OSBPL9: variants seen among roughly 807,000 people sequenced by gnomAD.
OSBPL9 encodes oxysterol-binding protein-related protein 9.
In OSBPL9, 40 loss-of-function variants were observed where a neutral mutation model predicts 106.6. The ratio of observed to expected loss-of-function variants is 0.38; its 90% CI spans 0.29 to 0.49. The LOEUF (loss-of-function observed/expected upper bound fraction) is 0.49. Ranked by LOEUF, OSBPL9 falls within the 20% of genes least tolerant of loss-of-function variation. The pLI is 0.97. For synonymous variants in OSBPL9, 269 were observed against 295.4 expected (o/e 0.91, Z 0.92); for missense variants, 609 against 887.2 (o/e 0.69, Z 3.98).
chr1:51,670,293 A>G (rs1649562977), intron 3 of OSBPL9, among the ~76,000 whole-genome samples: 1 of 152,130 alleles, frequency 6.6e-6, no homozygotes, highest in South Asian at 2.1e-4. Flanking sequence ...TCTCTCTTTT[A>G]TGTTTCGAGC....
chr1:51,753,664 G>T (rs549755196), intron 8 of OSBPL9, among the ~76,000 whole-genome samples: 1 of 152,200 alleles, frequency 6.6e-6, no homozygotes, highest in African/African-American at 2.4e-5. Context: ...TCTTGTTTGG[G>T]GCTGATTAGT....
At chr1:51,637,674 C>T (rs975916420) in intron 1 of OSBPL9, among the ~76,000 whole-genome samples, 1 of 152,108 alleles carries the variant, frequency 6.6e-6, no homozygotes, top group Non-Finnish European at 1.5e-5. Context: ...ACACAGTGGT[C>T]ACCATTATAT....
the OSBPL9 span, among the ~76,000 whole-genome samples, chr1:51,552,510 T>A: frequency 1.3e-5 from 2 of 152,218 alleles, no homozygotes; most frequent in East Asian, 3.8e-4. Context: ...GTTCAAACTC[T>A]TAACCAATAT....
At chr1:51,604,591 G>A (rs566262953) in intron 2 of OSBPL9, among the ~76,000 whole-genome samples, 2 of 152,198 alleles carry the variant, frequency 1.3e-5, no homozygotes, top group African/African-American at 4.8e-5. Context: ...TTTATTGTAA[G>A]TCCATCATAC....
At chr1:51,702,919 G>A (rs1395527765) in intron 3 of OSBPL9, among the ~76,000 whole-genome samples, 1 of 152,152 alleles carries the variant, frequency 6.6e-6, no homozygotes, top group Non-Finnish European at 1.5e-5. Flanking sequence ...CCCATTTCTT[G>A]TTTTTGTCAG....
upstream of OSBPL9, among the ~76,000 whole-genome samples, chr1:51,576,378 G>A (rs928931871): frequency 2.0e-5 from 3 of 152,208 alleles, no homozygotes; most frequent in African/African-American, 7.2e-5. Context: ...TGAAGGATAA[G>A]GGTAGATGCC....
chr1:51,666,944 G>A (rs1385656049), intron 2 of OSBPL9, among the ~76,000 whole-genome samples: 3 of 152,224 alleles, frequency 2.0e-5, no homozygotes, highest in Admixed American at 2.0e-4. Flanking sequence ...CAGACTGAAG[G>A]CAGGCAGATT....
At chr1:51,738,174 G>A (rs1240742169) in intron 4 of OSBPL9, among the ~76,000 whole-genome samples, 1 of 151,988 alleles carries the variant, frequency 6.6e-6, no homozygotes, top group African/African-American at 2.4e-5. Flanking sequence ...AGTTGTATAA[G>A]TAACCAAATC....
At chr1:51,648,289 G>A (rs1034623211) in intron 1 of OSBPL9, among the ~76,000 whole-genome samples, 1 of 152,188 alleles carries the variant, frequency 6.6e-6, no homozygotes, top group Non-Finnish European at 1.5e-5. Context: ...CTTCAGACCA[G>A]GAGGTAGCTG....
rs551464066 is a variant in OSBPL9 at position 51,785,465 on chromosome 1, C to T, written c.1830-343C>T. On this transcript the variant is annotated intron_variant, in intron 20 of 23. Transcript: ENST00000428468. Reference sequence around the variant, plus strand: ...CCCCAGTGCCCATGTAAGCTCACCACAGCACTTACCACCTAGAATTTCAAT... The same window carrying T: ...CCCCAGTGCCCATGTAAGCTCACCATAGCACTTACCACCTAGAATTTCAAT... The T allele has an allele frequency of 1.6e-5, 4 of 251,872 alleles. No individual in the cohort carries two copies. In the South Asian group the frequency reaches 1.9e-4, roughly 12 times the overall value. 15.6% of individuals were successfully genotyped at this position (251,872 alleles called of 1,614,324 possible). A position where few individuals can be genotyped will look rare whatever the true frequency, so the allele number is the denominator to read the frequency against.
rs34379031 is a variant in OSBPL9 at position 51,592,108 on chromosome 1, C to CTTTTTT, written c.-422-5997_-422-5992dup. Among the ~76,000 whole-genome samples, 89 of 77,004 alleles carry CTTTTTT rather than the reference C, an allele frequency of 1.2e-3. 1 individual carries two copies. The highest frequency in any genetic ancestry group is 1.5e-3 in the East Asian group (4 of 2,602). The allele number at this position is 77,004 out of a possible 152,430, so 50.5% of individuals were successfully genotyped here. On this transcript the variant is annotated intron_variant, in intron 1 of 25. Coordinates refer to the OSBPL9 transcript ENST00000371714. ...CCTCAACGATTACTTGTTGCTAAGG[C>CTTTTTT]TTTTTTTTTTTTTTTTTTTTTTTTG...
At chr1:51,531,625 G>A in the OSBPL9 span, among the ~76,000 whole-genome samples, 10 of 152,132 alleles carry the variant, frequency 6.6e-5, no homozygotes, top group African/African-American at 1.9e-4. Context: ...AGAGAATATC[G>A]GGAATTTGGC....
intron 1 of OSBPL9, among the ~76,000 whole-genome samples, chr1:51,643,861 G>A (rs1645968730): frequency 6.6e-6 from 1 of 151,168 alleles, no homozygotes; most frequent in Non-Finnish European, 1.5e-5. Context: ...TGGGTAGATC[G>A]CTTGAGCCCA....
chr1:51,665,286 A>G (rs1422985999), intron 2 of OSBPL9, among the ~76,000 whole-genome samples: 3 of 152,120 alleles, frequency 2.0e-5, no homozygotes, highest in Admixed American at 6.5e-5. Context: ...CTGGGATTAC[A>G]GGCTTGCACC....
intron 2 of OSBPL9, among the ~76,000 whole-genome samples, chr1:51,607,224 C>G (rs1304154446): frequency 7.0e-6 from 1 of 142,698 alleles, no homozygotes; most frequent in African/African-American, 2.6e-5. Context: ...AGTGCAGTGG[C>G]ACGATCTCAG....
intron 2 of OSBPL9, among the ~76,000 whole-genome samples, chr1:51,663,368 T>C (rs1191582392): frequency 5.3e-5 from 8 of 151,886 alleles, no homozygotes; most frequent in Non-Finnish European, 1.2e-4. Context: ...GAGTCAAGAG[T>C]ATCCATTCCT....
chr1:51,733,408 G>A (rs1352911216), intron 4 of OSBPL9, among the ~76,000 whole-genome samples: 1 of 152,058 alleles, frequency 6.6e-6, no homozygotes, highest in African/African-American at 2.4e-5. Context: ...ATGCTTCCTA[G>A]GTCACCAAGC....
chr1:51,779,515 A>G lies in OSBPL9; in HGVS notation c.1257-1649A>G, dbSNP rs551202693. On this transcript the variant is annotated intron_variant, in intron 15 of 23. Transcript: ENST00000428468. ...CAAAGACTTTATGACCAATAATCCA[A>G]AAGTGAATGCAACAAAGATAAATAG... Among the ~76,000 whole-genome samples, 69 of 152,352 alleles carry G rather than the reference A, an allele frequency of 4.5e-4. 1 individual carries two copies. Among genetic ancestry groups the G allele is most frequent in the Middle Eastern group, 6.8e-3 (2 of 294 alleles).
chr1:51,620,709 A>G (rs1644373899), intron 1 of OSBPL9, among the ~76,000 whole-genome samples: 2 of 152,232 alleles, frequency 1.3e-5, no homozygotes, highest in South Asian at 4.1e-4. Flanking sequence ...GGAGCTAAGC[A>G]GGAGGACAGA....
Sources: gnomAD v4.1 joint callset for allele counts (sites outside exome capture counted in the v4.1 genomes callset) on GRCh38, gnomAD v4.1.1 for gene constraint, MANE v1.5 for transcripts, NCBI Gene and HGNC (gene_info 2026-07-23, HGNC 2026-07-21) for gene names.